The following ADGRG7 variants were observed in gnomAD, a reference collection of about 807,000 sequenced individuals.
ADGRG7 encodes G-protein coupled receptor 128.
In ADGRG7, 82 loss-of-function variants were observed where a neutral mutation model predicts 88.6. The observed-to-expected ratio is 0.93, with a 90% CI of 0.77 to 1.11. The LOEUF is 1.11. Among genes scored for constraint, ADGRG7 ranks in the 50% most tolerant of loss-of-function variants. ADGRG7 has a pLI of 0.00. For missense variants in ADGRG7, 945 were observed against 953.4 expected, an observed-to-expected ratio of 0.99 and a Z score of 0.12; for synonymous variants, 381 against 345.2, an observed-to-expected ratio of 1.10 and a Z score of -1.15.
intron 14 of ADGRG7, among the ~76,000 whole-genome samples, chr3:100,660,909 A>C (rs959015252): frequency 6.6e-6 from 1 of 150,682 alleles, no homozygotes. Flanking sequence ...CTGAGATTGC[A>C]CCATTGCACT....
chr3:100,643,798 A>G (rs1177183043), intron 8 of ADGRG7, among the ~76,000 whole-genome samples, 165 bp downstream of exon 8: 4 of 152,236 alleles, frequency 2.6e-5, no homozygotes, highest in Admixed American at 6.5e-5. Flanking sequence ...CAACTCTACT[A>G]TTCTAAGTCA....
intron 15 of ADGRG7, among the ~76,000 whole-genome samples, chr3:100,669,453 G>C (rs902158690): frequency 1.4e-5 from 2 of 147,860 alleles, no homozygotes; most frequent in East Asian, 2.1e-4. Context: ...AGAATGGCTT[G>C]AACCCGGGAG....
chr3:100,674,356 C>T (rs941700663), intron 15 of ADGRG7, among the ~76,000 whole-genome samples: 11 of 152,100 alleles, frequency 7.2e-5, no homozygotes, highest in Non-Finnish European at 1.5e-4. Flanking sequence ...ATAGAGATTG[C>T]ATAGAATCTG....
chr3:100,610,207 T>G (rs139692131), intron 1 of ADGRG7, among the ~76,000 whole-genome samples: 1,801 of 152,324 alleles, frequency 0.012, 11 homozygotes, highest in Non-Finnish European at 0.02. Flanking sequence ...AATTGGCCTC[T>G]TTATGCTCTT....
chr3:100,679,295 A>C (rs1005070009), intron 15 of ADGRG7, among the ~76,000 whole-genome samples: 3 of 152,224 alleles, frequency 2.0e-5, no homozygotes, highest in African/African-American at 7.2e-5. Flanking sequence ...ATGTTCACTC[A>C]AAGCCCAAAG....
chr3:100,690,140 A>G (rs1559694637), intron 15 of ADGRG7, among the ~76,000 whole-genome samples: 1 of 152,080 alleles, frequency 6.6e-6, no homozygotes. Context: ...TCCATCGCTG[A>G]TACCCTTTCT....
intron 10 of ADGRG7, among the ~76,000 whole-genome samples, chr3:100,649,382 T>G (rs2094925047): frequency 6.6e-6 from 1 of 152,224 alleles, no homozygotes; most frequent in African/African-American, 2.4e-5. Context: ...ACTGCAGGAC[T>G]TGAGTATCCA....
In ADGRG7 at chr3:100,681,062, A is replaced by C. The variant is rs1004589984; in HGVS notation, c.2136+11957A>C. Among the ~76,000 whole-genome samples the C allele has an allele frequency of 1.8e-4, 27 of 152,200 alleles. 1 individual carries two copies. Among genetic ancestry groups the C allele is most frequent in the Non-Finnish European group, 1.5e-5 (1 of 68,024 alleles). On this transcript the variant is annotated intron_variant, in intron 15 of 15. Coordinates refer to ENST00000273352, the MANE Select transcript of ADGRG7 (RefSeq NM_032787.3). ...CACACTTTGTTTTCAAAATCTGAAA[A>C]GAAGTTATATATTTTTCCTTTGGAA...
intron 1 of ADGRG7, among the ~76,000 whole-genome samples, chr3:100,615,584 T>C (rs767309134): frequency 9.8e-5 from 15 of 152,358 alleles, no homozygotes; most frequent in Non-Finnish European, 1.9e-4. Flanking sequence ...ACCCTTGTTC[T>C]AAAAATTGGC....
At chr3:100,652,207 A>G (rs537905609) in intron 11 of ADGRG7, among the ~76,000 whole-genome samples, 3 of 152,198 alleles carry the variant, frequency 2.0e-5, no homozygotes, top group African/African-American at 7.2e-5. Context: ...GAAATTTTGA[A>G]TTGTCCAGAA....
chr3:100,646,228 G>GGGGGGGGGT, intron 9 of ADGRG7, 120 bp downstream of exon 9: 3 of 199,624 alleles, frequency 1.5e-5, no homozygotes, highest in African/African-American at 3.2e-5. Flanking sequence ...GGGGGGGAGG[G>GGGGGGGGGT]TTTTCCATGA....
At chr3:100,662,388 G>A (rs1371240077) in intron 14 of ADGRG7, among the ~76,000 whole-genome samples, 2 of 152,090 alleles carry the variant, frequency 1.3e-5, no homozygotes, top group African/African-American at 4.8e-5. Context: ...ACTGCATTAG[G>A]CATTTAGTAA....
At chr3:100,611,502 T>A (rs1366460112) in intron 1 of ADGRG7, among the ~76,000 whole-genome samples, 2 of 151,698 alleles carry the variant, frequency 1.3e-5, no homozygotes, top group East Asian at 1.9e-4. Context: ...AACCTGAAAG[T>A]TCAAGGCTTG....
At chr3:100,642,601 G>C (rs1046125904) in intron 6 of ADGRG7, among the ~76,000 whole-genome samples, 1 of 152,084 alleles carries the variant, frequency 6.6e-6, no homozygotes, top group African/African-American at 2.4e-5. Flanking sequence ...TATTTCTATG[G>C]GAAACAAGAA....
At chr3:100,616,951 A>T (rs1023614254) in intron 1 of ADGRG7, among the ~76,000 whole-genome samples, 7 of 152,210 alleles carry the variant, frequency 4.6e-5, no homozygotes, top group African/African-American at 1.7e-4. Context: ...TAATGAGATT[A>T]AAAAATTTGA....
intron 12 of ADGRG7, among the ~76,000 whole-genome samples, 162 bp from the exon 13 acceptor site, chr3:100,655,737 T>G (rs1482855051): frequency 6.6e-6 from 1 of 152,224 alleles, no homozygotes; most frequent in Non-Finnish European, 1.5e-5. Context: ...AGAAAAATTA[T>G]GTCCACTGTC....
At chr3:100,613,243 T>G (rs1213981884) in intron 1 of ADGRG7, among the ~76,000 whole-genome samples, 2 of 152,146 alleles carry the variant, frequency 1.3e-5, no homozygotes, top group Non-Finnish European at 2.9e-5. Flanking sequence ...TCAATGAGAG[T>G]TTATTGTTTG....
chr3:100,643,237 A>G (rs1403908496), intron 6 of ADGRG7, 29 bp from the exon 7 acceptor site: 3 of 1,594,660 alleles, frequency 1.9e-6, no homozygotes, highest in East Asian at 4.5e-5. Context: ...CAAAATCTTG[A>G]GTATTAAATT....
Position 100,695,164 on chromosome 3 carries a change from A to G in ADGRG7, c.*163A>G. On this transcript the variant is annotated 3_prime_UTR_variant, in exon 16 of 16. Coordinates refer to ENST00000273352, the MANE Select transcript of ADGRG7 (RefSeq NM_032787.3). ...TGTTTATTATTATTCGGCATAATGG[A>G]CTTGGTAGTTTTTCTATTTTTCAAT... The G allele has an allele frequency of 1.5e-6, 1 of 689,112 alleles. No homozygotes were observed. Among genetic ancestry groups the G allele is most frequent in the Non-Finnish European group, 2.3e-6 (1 of 426,106 alleles). The allele number at this position is 689,112 out of a possible 1,614,324, so 42.7% of individuals were successfully genotyped here.
Sources: allele counts gnomAD v4.1 joint callset (sites outside exome capture counted in the v4.1 genomes callset), GRCh38; gene constraint gnomAD v4.1.1; transcripts MANE v1.5; gene names NCBI Gene and HGNC (gene_info 2026-07-23, HGNC 2026-07-21).